Variants in CTNNA3 observed in about 807,000 individuals in gnomAD.
CTNNA3 encodes catenin alpha 3, also known as catenin alpha-3.
In CTNNA3, 76 loss-of-function variants were observed where a neutral mutation model predicts 95.7. The observed-to-expected ratio is 0.79, with a 90% CI of 0.66 to 0.96. CTNNA3 has a LOEUF of 0.96. CTNNA3 is among the 40% of genes least tolerant of loss of function. The probability of loss-of-function intolerance (pLI) is 0.00; values close to 1 mark genes in which losing one functional copy is unlikely to be tolerated. For synonymous variants in CTNNA3, 431 were observed against 374.4 expected, an observed-to-expected ratio of 1.15 and a Z score of -1.74; for missense variants, 1,191 against 1,089.8, an observed-to-expected ratio of 1.09 and a Z score of -1.31.
chr10:66,569,711 T>C (rs1842811673), intron 10 of CTNNA3, among the ~76,000 whole-genome samples: 1 of 151,772 alleles, frequency 6.6e-6, no homozygotes, highest in Non-Finnish European at 1.5e-5. Context: ...ATATATCAGC[T>C]TGTACAGTCA....
At chr10:66,934,071 G>C (rs1271622323) in intron 7 of CTNNA3, among the ~76,000 whole-genome samples, 1 of 151,938 alleles carries the variant, frequency 6.6e-6, no homozygotes, top group Non-Finnish European at 1.5e-5. Flanking sequence ...GGAACACAGA[G>C]AGAACAGGAA....
Position 66,382,365 on chromosome 10 carries a change from G to C in CTNNA3, c.1532-3013C>G, listed in dbSNP as rs183028033. ...TCTGAGATCGATCTGCGAGGCGGCA[G>C]CCTGGCTGGGGAAGGGGAATCTGCC... On this transcript the variant is annotated intron_variant, in intron 11 of 17. Coordinates refer to ENST00000433211, the MANE Select transcript of CTNNA3 (RefSeq NM_013266.4). 1.5e-3 allele frequency among the ~76,000 whole-genome samples: 232 copies of C among 152,312 alleles called. 1 individual carries two copies. Among genetic ancestry groups the C allele is most frequent in the African/African-American group, 5.4e-3 (226 of 41,572 alleles).
intron 1 of CTNNA3, among the ~76,000 whole-genome samples, chr10:67,655,786 A>AAG (rs565579234): frequency 0.082 from 12,321 of 150,810 alleles, 1,118 homozygotes; most frequent in African/African-American, 0.23. Context: ...CCGTCTCAAA[A>AAG]AAAAAAAAAA....
intron 11 of CTNNA3, among the ~76,000 whole-genome samples, chr10:66,454,779 A>G (rs2093485038): frequency 1.4e-5 from 2 of 140,938 alleles, no homozygotes; most frequent in South Asian, 2.6e-4. Flanking sequence ...AATGAAGATG[A>G]AGGAGGAGGA....
intron 11 of CTNNA3, among the ~76,000 whole-genome samples, chr10:66,415,264 T>A (rs2093137640): frequency 6.6e-6 from 1 of 151,954 alleles, no homozygotes; most frequent in Non-Finnish European, 1.5e-5. Context: ...AATCTCCCAG[T>A]TTAGTTCACC....
At chr10:66,092,626 T>C (rs111884584) in intron 14 of CTNNA3, among the ~76,000 whole-genome samples, 1,885 of 152,070 alleles carry the variant, frequency 0.012, 17 homozygotes, top group Middle Eastern at 0.045. Context: ...AAGTCACATA[T>C]ATCACAATAT....
chr10:66,780,769 T>G, intron 7 of CTNNA3, among the ~76,000 whole-genome samples: 1 of 152,238 alleles, frequency 6.6e-6, no homozygotes, highest in East Asian at 1.9e-4. Context: ...AACAGTTATT[T>G]GTTAAATAAA....
intron 13 of CTNNA3, among the ~76,000 whole-genome samples, chr10:66,261,620 C>T (rs2132102268): frequency 6.6e-6 from 1 of 152,146 alleles, no homozygotes; most frequent in East Asian, 1.9e-4. Flanking sequence ...TCAGGCTGCA[C>T]TTTGACCCAC....
At chr10:67,638,470 G>T (rs955712894) in intron 2 of CTNNA3, among the ~76,000 whole-genome samples, 6 of 152,104 alleles carry the variant, frequency 3.9e-5, no homozygotes, top group Admixed American at 3.3e-4. Context: ...AGTTAACAAG[G>T]ATATCCAGGA....
intron 13 of CTNNA3, among the ~76,000 whole-genome samples, chr10:66,195,748 C>T (rs2086922856): frequency 6.6e-6 from 1 of 152,124 alleles, no homozygotes; most frequent in Non-Finnish European, 1.5e-5. Flanking sequence ...TCAATATCTC[C>T]ACTAATTTTT....
chr10:67,509,388 G>A (rs1446478634), intron 5 of CTNNA3, among the ~76,000 whole-genome samples: 5 of 151,974 alleles, frequency 3.3e-5, no homozygotes, highest in African/African-American at 9.7e-5. Context: ...TCCCTGCCCT[G>A]TGTCCAAGTG....
intron 14 of CTNNA3, among the ~76,000 whole-genome samples, chr10:66,087,616 C>T (rs531722240): frequency 5.3e-5 from 8 of 152,222 alleles, no homozygotes; most frequent in Non-Finnish European, 7.4e-5. Context: ...AACCAGTTTA[C>T]GGAGCCAGTG....
At chr10:66,257,953 A>C in intron 13 of CTNNA3, among the ~76,000 whole-genome samples, 1 of 152,176 alleles carries the variant, frequency 6.6e-6, no homozygotes, top group Non-Finnish European at 1.5e-5. Flanking sequence ...GCATTCCTGT[A>C]CAATCAGATA....
intron 13 of CTNNA3, among the ~76,000 whole-genome samples, chr10:66,157,361 A>T (rs1329215709): frequency 6.6e-6 from 1 of 151,934 alleles, no homozygotes; most frequent in Non-Finnish European, 1.5e-5. Context: ...GTCACTGAAA[A>T]TGCTGTTAAT....
At chr10:67,741,238 A>G (rs1841336093) in intron 1 of CTNNA3, among the ~76,000 whole-genome samples, 1 of 150,584 alleles carries the variant, frequency 6.6e-6, no homozygotes, top group African/African-American at 2.4e-5. Context: ...GCAGCGCACC[A>G]GCATGGCACA....
In CTNNA3 at chr10:66,168,232, A is replaced by C. The variant is rs537351851; in HGVS notation, c.1885-64983T>G. On this transcript the variant is annotated intron_variant, in intron 13 of 17. Coordinates refer to ENST00000433211, the MANE Select transcript of CTNNA3 (RefSeq NM_013266.4). Reference sequence around the variant, plus strand: ...ATTGTGTCACAAATGGAAACTCCCCATACCATATTGTGAAGTGACATCCTG... The same window carrying C: ...ATTGTGTCACAAATGGAAACTCCCCCTACCATATTGTGAAGTGACATCCTG... 2.0e-5 allele frequency among the ~76,000 whole-genome samples: 3 copies of C among 152,314 alleles called. No individual in the cohort carries two copies. The South Asian group carries it at 6.2e-4, about 32-fold the overall frequency.
chr10:67,178,325 G>A (rs781767116), intron 7 of CTNNA3, among the ~76,000 whole-genome samples: 6 of 151,784 alleles, frequency 4.0e-5, no homozygotes, highest in Non-Finnish European at 8.8e-5. Flanking sequence ...ATAGTCTCTC[G>A]TGACCTATAT....
intron 5 of CTNNA3, among the ~76,000 whole-genome samples, chr10:67,502,118 G>C (rs1346541713): frequency 6.6e-6 from 1 of 152,046 alleles, no homozygotes; most frequent in African/African-American, 2.4e-5. Flanking sequence ...ACCTTTATTG[G>C]TCTTTGATGC....
At chr10:66,319,972 T>C (rs1480280795) in intron 12 of CTNNA3, among the ~76,000 whole-genome samples, 1 of 152,068 alleles carries the variant, frequency 6.6e-6, no homozygotes, top group Non-Finnish European at 1.5e-5. Flanking sequence ...GGATTCAAGT[T>C]GATTCACAGA....
Sources: gnomAD v4.1 joint callset for allele counts (sites outside exome capture counted in the v4.1 genomes callset) on GRCh38, gnomAD v4.1.1 for gene constraint, MANE v1.5 for transcripts, NCBI Gene and HGNC (gene_info 2026-07-23, HGNC 2026-07-21) for gene names.